CTTNBP2: variants seen among roughly 807,000 people sequenced by gnomAD.
CTTNBP2 encodes the protein cortactin binding protein 2, also known as cortactin-binding protein 2.
CTTNBP2 carries 108 observed loss-of-function variants against 156.9 expected under a neutral mutation model. That is an observed-to-expected ratio of 0.69 (90% confidence interval 0.59 to 0.81). The LOEUF (loss-of-function observed/expected upper bound fraction) is 0.81. Among genes scored for constraint, CTTNBP2 ranks in the 30% least tolerant of loss-of-function variants. The pLI is 0.00. For synonymous variants in CTTNBP2, 767 were observed against 751.8 expected (o/e 1.02, Z -0.33); for missense variants, 1,924 against 2,035.4 (o/e 0.95, Z 1.05).
intron 2 of CTTNBP2, among the ~76,000 whole-genome samples, chr7:117,826,373 A>AT (rs749596372): frequency 2.8e-4 from 42 of 152,312 alleles, no homozygotes; most frequent in Non-Finnish European, 5.0e-4. Context: ...TTTCAATGCC[A>AT]TTCTTTAATA....
At position 117,781,630 on chromosome 7, in the gene CTTNBP2, C is replaced by T. The variant is rs148094177; in HGVS notation, c.2373-1039G>A. ...GCGTACACCTGTAGTCCCAGCTACT[C>T]GGGAGGCCGAGGCAGGGGTATCGCT... On this transcript the variant is annotated intron_variant, in intron 6 of 22. Coordinates refer to ENST00000160373, the MANE Select transcript of CTTNBP2 (RefSeq NM_033427.3). 6.2e-3 allele frequency among the ~76,000 whole-genome samples: 950 copies of T among 152,218 alleles called. 2 individuals carry two copies. Among genetic ancestry groups the T allele is most frequent in the Non-Finnish European group, 8.8e-3 (599 of 68,000 alleles).
intron 2 of CTTNBP2, 76 bp downstream of exon 2, chr7:117,861,133 A>ATTC: frequency 1.2e-6 from 1 of 829,136 alleles, no homozygotes; most frequent in Non-Finnish European, 2.0e-6. Context: ...AAAATTAAGA[A>ATTC]AAAGAAGGTT....
chr7:117,843,793 T>A (rs1435436928), intron 2 of CTTNBP2, among the ~76,000 whole-genome samples: 3 of 152,008 alleles, frequency 2.0e-5, no homozygotes, highest in African/African-American at 7.3e-5. Flanking sequence ...GTTAGGAAGG[T>A]ATCAAAATAA....
chr7:117,747,593 T>C (rs1002173684), intron 12 of CTTNBP2, among the ~76,000 whole-genome samples: 1 of 152,114 alleles, frequency 6.6e-6, no homozygotes, highest in African/African-American at 2.4e-5. Context: ...GCAAATACGG[T>C]GAAACCCCAT....
chr7:117,841,329 T>C (rs1802264046), intron 2 of CTTNBP2, among the ~76,000 whole-genome samples: 1 of 152,098 alleles, frequency 6.6e-6, no homozygotes, highest in South Asian at 2.1e-4. Flanking sequence ...ATTAAGAAAA[T>C]TGTTTTGAAC....
rs34306003 is a variant in CTTNBP2, at chr7:117,781,135, C to T, written c.2373-544G>A. 5.7e-3 allele frequency among the ~76,000 whole-genome samples: 861 copies of T among 152,246 alleles called. 11 individuals are homozygous for T. Among genetic ancestry groups the T allele is most frequent in the Middle Eastern group, 0.01 (3 of 294 alleles). On this transcript the variant is annotated intron_variant, in intron 6 of 22. Coordinates refer to ENST00000160373, the MANE Select transcript of CTTNBP2 (RefSeq NM_033427.3). ...GGTTGTCCTGTCTCCTGAAGTCAGGCTAGTTGATGAGGAAAAGATAGCTAA... is the reference window on the plus strand; with the variant it reads ...GGTTGTCCTGTCTCCTGAAGTCAGGTTAGTTGATGAGGAAAAGATAGCTAA...
chr7:117,787,031 G>A (rs879652915), intron 4 of CTTNBP2, among the ~76,000 whole-genome samples: 79 of 152,028 alleles, frequency 5.2e-4, no homozygotes, highest in African/African-American at 1.8e-3. Flanking sequence ...TTTTAAAACT[G>A]TAAATATGTT....
At chr7:117,758,676 G>A (rs1467184285) in intron 10 of CTTNBP2, among the ~76,000 whole-genome samples, 1 of 152,102 alleles carries the variant, frequency 6.6e-6, no homozygotes, top group Non-Finnish European at 1.5e-5. Flanking sequence ...TGTAGCTTAG[G>A]TTATGAATCC....
At chr7:117,789,103 T>C (rs1034901606) in intron 4 of CTTNBP2, among the ~76,000 whole-genome samples, 2 of 152,178 alleles carry the variant, frequency 1.3e-5, no homozygotes, top group African/African-American at 4.8e-5. Context: ...CAGGATATCC[T>C]GGTGAATAGA....
intron 6 of CTTNBP2, among the ~76,000 whole-genome samples, chr7:117,782,138 C>T (rs1798470373): frequency 6.6e-6 from 1 of 152,196 alleles, no homozygotes; most frequent in African/African-American, 2.4e-5. Context: ...CCTATCGGGA[C>T]AGTTAGATTA....
intron 3 of CTTNBP2, among the ~76,000 whole-genome samples, chr7:117,807,199 C>T (rs1455003396): frequency 6.6e-6 from 1 of 152,136 alleles, no homozygotes; most frequent in African/African-American, 2.4e-5. Flanking sequence ...TTTAATGTAA[C>T]AATGCAACAA....
At chr7:117,755,887 T>C (rs1423398152) in intron 12 of CTTNBP2, among the ~76,000 whole-genome samples, 3 of 152,136 alleles carry the variant, frequency 2.0e-5, no homozygotes, top group Non-Finnish European at 4.4e-5. Context: ...CGTGTGCAAT[T>C]CCCCTGAAAG....
At position 117,725,265 on chromosome 7, in the gene CTTNBP2, G is replaced by T; in HGVS notation, c.4056-8C>A. ...CACAGCTTAGACATCCACCTAGCAG[G>T]AGAGGGACCGATTCATCCCTTAGGA... is the stretch of plus-strand genomic sequence containing the variant. On this transcript the variant is annotated splice_region_variant and splice_polypyrimidine_tract_variant and intron_variant, in intron 17 of 22. Transcript: ENST00000160373. 1 of 1,612,974 alleles carries T rather than the reference G, an allele frequency of 6.2e-7. No individual in the cohort carries two copies. The highest frequency in any genetic ancestry group is 1.1e-5 in the South Asian group (1 of 91,054).
rs1341949137 is a variant in CTTNBP2 at position 117,802,475 on chromosome 7, A to C, written c.414+8290T>G. Among the ~76,000 whole-genome samples, 4 of 151,416 alleles carry C rather than the reference A, an allele frequency of 2.6e-5. No homozygotes were observed. The East Asian group carries it at 7.7e-4, about 29-fold the overall frequency. ...AAAAAAAACAAAAACAAACAAACAAAAAAACAAAAAAAAAGTTATGGCTAA... is the reference window on the plus strand; with the variant it reads ...AAAAAAAACAAAAACAAACAAACAACAAAACAAAAAAAAAGTTATGGCTAA... On this transcript the variant is annotated intron_variant, in intron 3 of 22. Coordinates refer to ENST00000160373, the MANE Select transcript of CTTNBP2 (RefSeq NM_033427.3).
chr7:117,834,193 T>G (rs1584513554), intron 2 of CTTNBP2, among the ~76,000 whole-genome samples: 1 of 152,172 alleles, frequency 6.6e-6, no homozygotes, highest in East Asian at 1.9e-4. Context: ...TAGCTGGGAC[T>G]ACAGGCACCT....
intron 5 of CTTNBP2, 144 bp downstream of exon 5, chr7:117,784,107 T>C: frequency 3.6e-6 from 2 of 563,378 alleles, no homozygotes; most frequent in Non-Finnish European, 6.0e-6. Context: ...AAACTTTAAA[T>C]CTCATGTTTA....
chr7:117,729,181 C>T (rs369543574), intron 16 of CTTNBP2, among the ~76,000 whole-genome samples: 2 of 152,196 alleles, frequency 1.3e-5, no homozygotes, highest in South Asian at 2.1e-4. Flanking sequence ...GACATCGTAA[C>T]GGAATCACAT....
chr7:117,718,599 G>A (rs560770026), intron 21 of CTTNBP2, among the ~76,000 whole-genome samples: 14 of 152,264 alleles, frequency 9.2e-5, no homozygotes, highest in African/African-American at 3.4e-4. Context: ...GCAGCTCGGT[G>A]AAACCTGCTG....
At chr7:117,813,342 A>T (rs958892418) in intron 2 of CTTNBP2, among the ~76,000 whole-genome samples, 1 of 152,294 alleles carries the variant, frequency 6.6e-6, no homozygotes, top group East Asian at 1.9e-4. Flanking sequence ...ATTATTAAGC[A>T]TTTCAATATG....
Sources: gnomAD v4.1 joint callset for allele counts (sites outside exome capture counted in the v4.1 genomes callset) on GRCh38, gnomAD v4.1.1 for gene constraint, MANE v1.5 for transcripts, NCBI Gene and HGNC (gene_info 2026-07-23, HGNC 2026-07-21) for gene names.